HACD4: variants seen among roughly 807,000 people sequenced by gnomAD.
HACD4 encodes very-long-chain (3R)-3-hydroxyacyl-CoA dehydratase 4.
HACD4 carries 35 observed loss-of-function variants against 33.3 expected under a neutral mutation model. The observed-to-expected ratio is 1.05, with a 90% CI of 0.80 to 1.39. HACD4 has a LOEUF of 1.39. Among genes scored for constraint, HACD4 ranks in the 40% most tolerant of loss-of-function variants. The probability of loss-of-function intolerance (pLI) is 0.00; values close to 1 mark genes in which losing one functional copy is unlikely to be tolerated. For missense variants in HACD4, 323 were observed against 276.5 expected, an observed-to-expected ratio of 1.17 and a Z score of -1.19; for synonymous variants, 118 against 98.0, an observed-to-expected ratio of 1.20 and a Z score of -1.21.
chr9:21,012,122 T>G (rs1020391686), intron 4 of HACD4, among the ~76,000 whole-genome samples: 1 of 152,238 alleles, frequency 6.6e-6, no homozygotes, highest in African/African-American at 2.4e-5. Context: ...CTTCTGCTTC[T>G]GCAGTTGTAC....
At chr9:21,010,465 C>CA (rs1325995719) in intron 5 of HACD4, among the ~76,000 whole-genome samples, 10 of 117,730 alleles carry the variant, frequency 8.5e-5, no homozygotes, top group African/African-American at 3.0e-4. Flanking sequence ...TACCCCCCCC[C>CA]CCCCCAGAGC....
chr9:21,015,198 T>C (rs150758792), intron 4 of HACD4: 1 of 152,304 alleles, frequency 6.6e-6, no homozygotes, highest in East Asian at 1.9e-4. Flanking sequence ...AAAATTTACA[T>C]ACCCTTGGCT....
chr9:21,009,494 G>C (rs1842358071), intron 5 of HACD4, among the ~76,000 whole-genome samples: 1 of 152,054 alleles, frequency 6.6e-6, no homozygotes, highest in African/African-American at 2.4e-5. Flanking sequence ...TCCTAGGAAG[G>C]GATTAGTCAT....
At chr9:21,015,652 T>C in intron 4 of HACD4, 1 of 329,808 alleles carries the variant, frequency 3.0e-6, no homozygotes, top group East Asian at 5.1e-5. Context: ...GTTGGTTTTA[T>C]GCCAAGCCTT....
At chr9:21,019,805 A>G (rs1817857944) in intron 3 of HACD4, among the ~76,000 whole-genome samples, 1 of 152,126 alleles carries the variant, frequency 6.6e-6, no homozygotes, top group Non-Finnish European at 1.5e-5. Flanking sequence ...TTCTCTAACA[A>G]TATAAGCCTA....
intron 3 of HACD4, among the ~76,000 whole-genome samples, chr9:21,024,100 A>C (rs2132796207): frequency 6.6e-6 from 1 of 152,380 alleles, no homozygotes. Context: ...AATTGTCTGC[A>C]TAATTCTAAT....
chr9:21,014,729 G>A (rs1311779653), intron 4 of HACD4, among the ~76,000 whole-genome samples: 1 of 152,140 alleles, frequency 6.6e-6, no homozygotes, highest in Admixed American at 6.5e-5. Context: ...TAATAAAACT[G>A]TTATTAAAAT....
At chr9:21,012,862 T>C (rs1391370850) in intron 4 of HACD4, among the ~76,000 whole-genome samples, 2 of 151,600 alleles carry the variant, frequency 1.3e-5, no homozygotes, top group African/African-American at 4.9e-5. Context: ...AGGTCAGGGG[T>C]TCAAGACCAG....
chr9:21,030,347 C>T (rs1818178127), intron 1 of HACD4, among the ~76,000 whole-genome samples: 3 of 151,110 alleles, frequency 2.0e-5, no homozygotes, highest in Non-Finnish European at 2.9e-5. Context: ...GAGGCTGAGG[C>T]AGGACAATCA....
In HACD4 at chr9:21,001,990, A is replaced by G. The variant is rs190712160; in HGVS notation, c.*5047T>C. 4.3e-4 allele frequency: 65 copies of G among 152,296 alleles called. No homozygotes were observed. Among genetic ancestry groups the G allele is most frequent in the African/African-American group, 1.5e-3 (62 of 41,580 alleles). The allele number at this position is 152,296 out of a possible 1,614,324, so 9.4% of individuals were successfully genotyped here. Reference sequence around the variant, plus strand: ...AATTATAAAATCTAGTACTTTTGTAACAATGGTTTGTAACTCCACTTTTTG... The same window carrying G: ...AATTATAAAATCTAGTACTTTTGTAGCAATGGTTTGTAACTCCACTTTTTG... On this transcript the variant is annotated 3_prime_UTR_variant, in exon 7 of 7. Transcript: ENST00000495827.
intron 5 of HACD4, among the ~76,000 whole-genome samples, chr9:21,009,285 A>G (rs75889111): frequency 2.3e-3 from 345 of 152,272 alleles, no homozygotes; most frequent in African/African-American, 7.5e-3. Flanking sequence ...CATTATTGAC[A>G]TTTTTGTCAT....
intron 5 of HACD4, among the ~76,000 whole-genome samples, chr9:21,009,385 G>T (rs938721878): frequency 1.1e-4 from 16 of 152,024 alleles, no homozygotes; most frequent in African/African-American, 3.1e-4. Flanking sequence ...GGGTTGTATG[G>T]CAACCATATA....
At chr9:21,008,403 T>C (rs1842325181) in intron 5 of HACD4, among the ~76,000 whole-genome samples, 1 of 152,166 alleles carries the variant, frequency 6.6e-6, no homozygotes, top group Non-Finnish European at 1.5e-5. Context: ...ATTTACAATG[T>C]TTCTTAAAAT....
rs1842275280 is a variant in HACD4 at position 21,006,586 on chromosome 9, T to C, written c.*451A>G. Reference sequence around the variant, plus strand: ...AAGACAGACATCTGTCTATGAAATATGTTATTCTAGGCAACTGTGGAATAT... The same window carrying C: ...AAGACAGACATCTGTCTATGAAATACGTTATTCTAGGCAACTGTGGAATAT... On this transcript the variant is annotated 3_prime_UTR_variant, in exon 7 of 7. Coordinates refer to ENST00000495827, the MANE Select transcript of HACD4 (RefSeq NM_001010915.5). The surrounding 1 kb of genome is among the most constrained non-coding windows in gnomAD (Gnocchi z 4.6). The C allele has an allele frequency of 4.7e-6, 1 of 215,036 alleles. No individual in the cohort carries two copies. The allele number at this position is 215,036 out of a possible 1,614,324, so 13.3% of individuals were successfully genotyped here.
chr9:21,030,269 C>CA (rs57245979), intron 1 of HACD4, among the ~76,000 whole-genome samples: 36,679 of 110,666 alleles, frequency 0.33, 5,934 homozygotes, highest in East Asian at 0.56. Context: ...TGGCAACTTA[C>CA]AAAAAAAAAA....
rs191644655 is a variant in HACD4, at chr9:21,029,963, T to A, written c.39-565A>T. The stretch of plus-strand genomic sequence containing the variant: ...AAGTACGGTTTCTAATGAATACATA[T>A]CATTTTCACACCATCACAAAGTTTA... On this transcript the variant is annotated intron_variant, in intron 1 of 6. Coordinates refer to ENST00000495827, the MANE Select transcript of HACD4 (RefSeq NM_001010915.5). 7.0e-4 allele frequency among the ~76,000 whole-genome samples: 106 copies of A among 152,228 alleles called. No homozygotes were observed. In the East Asian group the frequency reaches 0.014, roughly 20 times the overall value.
At chr9:21,026,762 A>T in intron 2 of HACD4, 39 bp from the exon 3 acceptor site, 10 of 1,584,276 alleles carry the variant, frequency 6.3e-6, no homozygotes, top group Non-Finnish European at 7.8e-6. Flanking sequence ...ATAGGAAGAA[A>T]AAACTGGATT....
intron 3 of HACD4, among the ~76,000 whole-genome samples, chr9:21,023,000 A>C (rs1345851941): frequency 1.3e-5 from 2 of 152,206 alleles, no homozygotes; most frequent in African/African-American, 4.8e-5. Flanking sequence ...TGGATTAAGA[A>C]AATGTGGCAC....
rs1157733559 is a variant in HACD4, at chr9:21,005,761, G to C, written c.*1276C>G. On this transcript the variant is annotated 3_prime_UTR_variant, in exon 7 of 7. Transcript: ENST00000495827. The surrounding 1 kb of genome is among the most constrained non-coding windows in gnomAD (Gnocchi z 4.0). ...TCTGCCTCACTGGGTCCTGAAGCCA[G>C]AGTATCAGGCCAAAGAGGATTATTA... 6.6e-6 allele frequency: 1 copy of C among 152,260 alleles called. No individual in the cohort carries two copies. The highest frequency in any genetic ancestry group is 6.5e-5 in the Admixed American group (1 of 15,282). 9.4% of individuals were successfully genotyped at this position (152,260 alleles called of 1,614,324 possible). A position where few individuals can be genotyped will look rare whatever the true frequency, so the allele number is the denominator to read the frequency against.
Sources: gnomAD v4.1 joint callset for allele counts (sites outside exome capture counted in the v4.1 genomes callset) on GRCh38, gnomAD v4.1.1 for gene constraint, Gnocchi (gnomAD v3.1) non-coding constraint, MANE v1.5 for transcripts, NCBI Gene and HGNC (gene_info 2026-07-23, HGNC 2026-07-21) for gene names.